ZBTB45: variants seen among roughly 807,000 people sequenced by gnomAD.
ZBTB45 encodes the protein zinc finger and BTB domain-containing protein 45.
A neutral mutation model predicts 28.4 loss-of-function variants in ZBTB45; 22 were observed. That is an observed-to-expected ratio of 0.77 (90% CI 0.55 to 1.10). The LOEUF is 1.10. Ranked by LOEUF, ZBTB45 falls within the 50% of genes least tolerant of loss-of-function variation. ZBTB45 has a pLI of 0.00. For synonymous variants in ZBTB45, 361 were observed against 332.3 expected, an observed-to-expected ratio of 1.09 and a Z score of -0.94; for missense variants, 656 against 750.2, an observed-to-expected ratio of 0.87 and a Z score of 1.47.
intron 1 of ZBTB45, among the ~76,000 whole-genome samples, chr19:58,530,801 A>T (rs1359517751): frequency 1.4e-5 from 2 of 147,710 alleles, no homozygotes; most frequent in Non-Finnish European, 3.0e-5. Flanking sequence ...CTCCTGCCTC[A>T]GCCTCCCAAG....
intron 1 of ZBTB45, among the ~76,000 whole-genome samples, chr19:58,532,646 A>T (rs568046060): frequency 6.6e-6 from 1 of 152,274 alleles, no homozygotes; most frequent in East Asian, 1.9e-4. Flanking sequence ...TGCCGGGTTC[A>T]AGCAATTCTC....
chr19:58,518,636 ACT>A (rs1321930762), intron 1 of ZBTB45, among the ~76,000 whole-genome samples: 1 of 151,536 alleles, frequency 6.6e-6, no homozygotes, highest in African/African-American at 2.4e-5. Flanking sequence ...TCCTCAGAGG[ACT>A]CTGGAATCTG....
At position 58,518,202 on chromosome 19, in the gene ZBTB45, TA is replaced by T. The variant is rs375704955; in HGVS notation, c.1-530del. On this transcript the variant is annotated intron_variant, in intron 1 of 2. Coordinates refer to ENST00000594051, the MANE Select transcript of ZBTB45 (RefSeq NM_001316979.2). Reference sequence around the variant, plus strand: ...GCTGACAGCTCCTTTTGGTTTCCTTTAGCCACATCCCCCCAGTATGAGACCC... The same window carrying T: ...GCTGACAGCTCCTTTTGGTTTCCTTTGCCACATCCCCCCAGTATGAGACCC... 2.0e-4 allele frequency among the ~76,000 whole-genome samples: 30 copies of T among 152,288 alleles called. No individual in the cohort carries two copies. In the East Asian group the frequency reaches 3.9e-3, roughly 20 times the overall value.
chr19:58,528,762 C>T (rs934885197), intron 1 of ZBTB45, among the ~76,000 whole-genome samples: 1 of 151,922 alleles, frequency 6.6e-6, no homozygotes, highest in African/African-American at 2.4e-5. Context: ...GGTGTGGTGG[C>T]ATGCGCCTGT....
At chr19:58,526,497 A>ATGGC (rs2053607488) in intron 1 of ZBTB45, among the ~76,000 whole-genome samples, 1 of 148,608 alleles carries the variant, frequency 6.7e-6, no homozygotes, top group Non-Finnish European at 1.5e-5. Context: ...GGCGTGAGCC[A>ATGGC]CCACGCCTGG....
Position 58,516,178 on chromosome 19 carries a change from G to C in ZBTB45, c.1279+217C>G, listed in dbSNP as rs1487793016. Among the ~76,000 whole-genome samples the C allele has an allele frequency of 6.6e-6, 1 of 152,138 alleles. No homozygotes were observed. Among genetic ancestry groups the C allele is most frequent in the African/African-American group, 2.4e-5 (1 of 41,416 alleles). ...GCTCCTGCTTCCCTACCCAGCCTCA[G>C]GATCCCCCTCCACAGAAGCCAGTGC... On this transcript the variant is annotated intron_variant, in intron 2 of 2. Transcript: ENST00000594051. This position sits in a 1 kb window ranked among gnomAD's most constrained non-coding sequence, Gnocchi z 6.2.
chr19:58,513,718 A>C lies in ZBTB45; in HGVS notation c.*336T>G. On this transcript the variant is annotated 3_prime_UTR_variant, in exon 3 of 3. Coordinates refer to ENST00000594051, the MANE Select transcript of ZBTB45 (RefSeq NM_001316979.2). ...GGCAAGCGGCCCCCCAGCCCCCACC[A>C]CCACCCCAGGAGAGGGCGGGGTGAG... The C allele has an allele frequency of 8.1e-6, 2 of 247,968 alleles. No individual in the cohort carries two copies. The highest frequency in any genetic ancestry group is 5.6e-5 in the Admixed American group (1 of 17,776). The allele number at this position is 247,968 out of a possible 1,614,324, so 15.4% of individuals were successfully genotyped here.
chr19:58,526,810 C>T (rs1186551614), intron 1 of ZBTB45, among the ~76,000 whole-genome samples: 1 of 151,644 alleles, frequency 6.6e-6, no homozygotes, highest in East Asian at 1.9e-4. Context: ...GGATTACAGG[C>T]GTGAGCCACC....
At position 58,513,957 on chromosome 19, in the gene ZBTB45, G is replaced by A. The variant is rs1414373002; in HGVS notation, c.*97C>T. ...AGAGGACCTGCGCTCAGGAGGGAGC[G>A]TGGTCTAGTGGCGGGAACCACGGGT... On this transcript the variant is annotated 3_prime_UTR_variant, in exon 3 of 3. Transcript: ENST00000594051. The A allele has an allele frequency of 3.1e-6, 4 of 1,309,752 alleles. No homozygotes were observed. The highest frequency in any genetic ancestry group is 1.9e-5 in the South Asian group (1 of 53,230). 81.1% of individuals were successfully genotyped at this position (1,309,752 alleles called of 1,614,324 possible).
At position 58,516,852 on chromosome 19, in the gene ZBTB45, C is replaced by T. The variant is rs1463092343; in HGVS notation, c.822G>A (p.Arg274=). The change falls in exon 2 of 3, where the codon CGG becomes CGA. Residue 274 remains arginine, a synonymous_variant. Coordinates refer to ENST00000594051, the MANE Select transcript of ZBTB45 (RefSeq NM_001316979.2). The surrounding 1 kb of genome is among the most constrained non-coding windows in gnomAD (Gnocchi z 6.2). ...ATACGTCCTCAGCTGACCCAGCTCCCCGAAGAAAATCTCTCCCGGCACCAC... is the reference window on the plus strand; with the variant it reads ...ATACGTCCTCAGCTGACCCAGCTCCTCGAAGAAAATCTCTCCCGGCACCAC... ...DYSGAGRDFL[R]GAGSAEDVFP... is the part of the protein sequence containing the mutation. 2 of 1,613,566 alleles carry T rather than the reference C, an allele frequency of 1.2e-6. No individual in the cohort carries two copies. Among genetic ancestry groups the T allele is most frequent in the Non-Finnish European group, 1.7e-6 (2 of 1,180,028 alleles).
Position 58,517,077 on chromosome 19 carries a change from C to G in ZBTB45, c.597G>C (p.Leu199=). The change falls in exon 2 of 3, where the codon CTG becomes CTC. Residue 199 remains leucine, a synonymous_variant. Transcript: ENST00000594051. ...CACCTCGGTCATCAGGGGCCGCGGA[C>G]AGTGAGGGGTCAGCATCAGGCCCCT... The part of the protein sequence containing the change: ...KAEGPDADPS[L]SAAPDDRGDE... The G allele has an allele frequency of 6.2e-7, 1 of 1,613,196 alleles. No individual in the cohort carries two copies. The highest frequency in any genetic ancestry group is 8.5e-7 in the Non-Finnish European group (1 of 1,179,980).
chr19:58,533,072 G>A (rs977766977), intron 1 of ZBTB45, among the ~76,000 whole-genome samples: 1 of 151,902 alleles, frequency 6.6e-6, no homozygotes, highest in African/African-American at 2.4e-5. Context: ...CCGACCTCAG[G>A]TGATCCACCC....
rs181655486 is a variant in ZBTB45 at position 58,513,661 on chromosome 19, C to A, written c.*393G>T. The A allele has an allele frequency of 5.6e-5, 11 of 198,002 alleles. No homozygotes were observed. In the East Asian group the frequency reaches 1.3e-3, roughly 23 times the overall value. The allele number at this position is 198,002 out of a possible 1,614,324, so 12.3% of individuals were successfully genotyped here. On this transcript the variant is annotated 3_prime_UTR_variant, in exon 3 of 3. Transcript: ENST00000594051. ...AGGGAGTAACAGCTTGGGTAGAGAG[C>A]TAGGGACCTTGCCCAGCCTGACCCT...
At chr19:58,521,860 AAG>A (rs1306303762), upstream of ZBTB45, among the ~76,000 whole-genome samples, 1 of 152,106 alleles carries the variant, frequency 6.6e-6, no homozygotes, top group Non-Finnish European at 1.5e-5. Flanking sequence ...TCGGCAGTGA[AAG>A]AGGGAACCAA....
chr19:58,517,786 C>T, intron 1 of ZBTB45, 113 bp from the exon 2 acceptor site: 1 of 967,558 alleles, frequency 1.0e-6, no homozygotes, highest in Middle Eastern at 2.2e-4. Flanking sequence ...CACCACACTC[C>T]AAGGCGCGCT....
intron 1 of ZBTB45, among the ~76,000 whole-genome samples, chr19:58,531,187 C>T (rs1287341111): frequency 2.0e-5 from 3 of 152,158 alleles, no homozygotes; most frequent in African/African-American, 7.2e-5. Flanking sequence ...TCCTAGTGGG[C>T]GTGAAGCAGT....
At position 58,513,587 on chromosome 19, in the gene ZBTB45, C is replaced by T. The variant is rs1231703226; in HGVS notation, c.*467G>A. ...TTATTAGAGCGAGAGTCCCGAGGCC[C>T]AGCCCCCATATATGATGGGTCCACT... On this transcript the variant is annotated 3_prime_UTR_variant, in exon 3 of 3. Transcript: ENST00000594051. The T allele has an allele frequency of 6.3e-6, 1 of 159,760 alleles. No homozygotes were observed. Among genetic ancestry groups the T allele is most frequent in the Non-Finnish European group, 1.4e-5 (1 of 73,504 alleles). The allele number at this position is 159,760 out of a possible 1,614,324, so 9.9% of individuals were successfully genotyped here.
chr19:58,532,819 T>C (rs533823793), intron 1 of ZBTB45, among the ~76,000 whole-genome samples: 1 of 152,032 alleles, frequency 6.6e-6, no homozygotes, highest in East Asian at 1.9e-4. Context: ...AGTGTTGGGA[T>C]TACAGGCGTG....
At chr19:58,533,020 G>A (rs544479586) in intron 1 of ZBTB45, among the ~76,000 whole-genome samples, 1 of 151,684 alleles carries the variant, frequency 6.6e-6, no homozygotes, top group East Asian at 1.9e-4. Flanking sequence ...TTTTTTAGTA[G>A]AGATGGGGTT....
Sources: gnomAD v4.1 joint callset for allele counts (sites outside exome capture counted in the v4.1 genomes callset) on GRCh38, gnomAD v4.1.1 for gene constraint, Gnocchi (gnomAD v3.1) non-coding constraint, MANE v1.5 for transcripts, NCBI Gene and HGNC (gene_info 2026-07-23, HGNC 2026-07-21) for gene names.